The following GAL variants were observed in gnomAD, a reference collection of about 807,000 sequenced individuals.
GAL encodes the protein galanin and GMAP prepropeptide.
GAL carries 14 observed loss-of-function variants against 15.8 expected under a neutral mutation model. The observed-to-expected ratio is 0.89, with a 90% CI of 0.59 to 1.39. The LOEUF is 1.39. GAL is among the 40% of genes most tolerant of loss of function. GAL has a pLI of 0.00. For missense variants in GAL, 176 were observed against 170.4 expected (o/e 1.03, Z -0.18); for synonymous variants, 79 against 73.8 (o/e 1.07, Z -0.36).
intron 3 of GAL, among the ~76,000 whole-genome samples, chr11:68,686,691 G>A (rs1363231912): frequency 6.6e-6 from 1 of 152,132 alleles, no homozygotes; most frequent in Non-Finnish European, 1.5e-5. Flanking sequence ...GAGCCTGCTG[G>A]TCTCTGTGCG....
At chr11:68,690,404 T>A (rs1256633314) in intron 5 of GAL, among the ~76,000 whole-genome samples, 1 of 150,392 alleles carries the variant, frequency 6.6e-6, no homozygotes, top group South Asian at 2.1e-4. Context: ...TAGGTGGCGA[T>A]GGGGAGAGGG....
chr11:68,684,863 CT>C, intron 1 of GAL, 60 bp from the exon 2 acceptor site: 1 of 1,060,888 alleles, frequency 9.4e-7, no homozygotes, highest in Non-Finnish European at 1.4e-6. Flanking sequence ...CCCGGCACTC[CT>C]TGCCTCGGGG....
At chr11:68,687,784 AC>A (rs371776864) in intron 3 of GAL, among the ~76,000 whole-genome samples, 57 of 150,678 alleles carry the variant, frequency 3.8e-4, no homozygotes, top group African/African-American at 9.5e-4. Flanking sequence ...TCTCCCACCC[AC>A]CCTGTGCAAA....
intron 5 of GAL, among the ~76,000 whole-genome samples, chr11:68,689,897 G>C (rs1256982727): frequency 6.6e-6 from 1 of 152,240 alleles, no homozygotes; most frequent in African/African-American, 2.4e-5. Context: ...TCTACGATGG[G>C]CATCTGGCCT....
chr11:68,686,098 C>T (rs1945850164), intron 3 of GAL, among the ~76,000 whole-genome samples: 1 of 152,204 alleles, frequency 6.6e-6, no homozygotes, highest in South Asian at 2.1e-4. Context: ...CCCCTCAAAA[C>T]AAGGTTCAGG....
chr11:68,685,613 G>T lies in GAL; in HGVS notation c.101G>T (p.Trp34Leu), dbSNP rs1208503949. Residue 34 changes from tryptophan (W) to leucine (L), a missense_variant, in exon 3 of 6, where the codon TGG becomes TTG. By Grantham distance (61) the Trp-to-Leu change is moderately conservative. Coordinates refer to ENST00000265643, the MANE Select transcript of GAL (RefSeq NM_015973.5). ...LWSPAKEKRG[W>L]TLNSAGYLLG... is the part of the protein sequence containing the mutation. ...TTCAAGGCCAAGGAAAAACGAGGCT[G>T]GACCCTGAACAGCGCGGGCTACCTG... The T allele has an allele frequency of 1.2e-6, 2 of 1,613,310 alleles. No homozygotes were observed. The highest frequency in any genetic ancestry group is 2.7e-5 in the African/African-American group (2 of 74,918).
Position 68,688,040 on chromosome 11 carries a change from A to G in GAL, c.163A>G (p.Ser55Gly), listed in dbSNP as rs754075338. 3 of 1,612,666 alleles carry G rather than the reference A, an allele frequency of 1.9e-6. No homozygotes were observed. The Admixed American group carries it at 5.0e-5, about 27-fold the overall frequency. ...PHAVGNHRSF[S>G]DKNGLTSKRE... Reference sequence around the variant, plus strand: ...TGCCGTTGGCAACCACAGGTCATTCAGCGACAAGAATGGCCTCACCAGCAA... The same window carrying G: ...TGCCGTTGGCAACCACAGGTCATTCGGCGACAAGAATGGCCTCACCAGCAA... The change falls in exon 4 of 6, where the codon AGC becomes GGC. Residue 55 changes from serine to glycine, a missense_variant. By Grantham distance (56) the Ser-to-Gly change is moderately conservative. Coordinates refer to ENST00000265643, the MANE Select transcript of GAL (RefSeq NM_015973.5).
rs368511722 is a variant in GAL at position 68,688,105 on chromosome 11, G to C, written c.223+5G>C. ...CCGAAGATGACATGAAACCAGGTGAGAGGACTCCTATCCCGGGCCCCGGGG... is the reference window on the plus strand; with the variant it reads ...CCGAAGATGACATGAAACCAGGTGACAGGACTCCTATCCCGGGCCCCGGGG... On this transcript the variant is annotated splice_donor_5th_base_variant and intron_variant, in intron 4 of 5. Transcript: ENST00000265643. 6.3e-7 allele frequency: 1 copy of C among 1,590,912 alleles called. No individual in the cohort carries two copies.
chr11:68,684,818 C>T, intron 1 of GAL, 86 bp downstream of exon 1: 1 of 686,914 alleles, frequency 1.5e-6, no homozygotes, highest in Non-Finnish European at 2.5e-6. Context: ...TGCCAGGGCC[C>T]TGGCCCGGCC....
chr11:68,688,991 G>A, intron 5 of GAL, 65 bp downstream of exon 5: 5 of 804,404 alleles, frequency 6.2e-6, no homozygotes, highest in Middle Eastern at 2.2e-4. Context: ...AAGGCCCATC[G>A]AGAAGAGAAC....
At chr11:68,686,639 C>G (rs631097) in intron 3 of GAL, among the ~76,000 whole-genome samples, 2 of 152,158 alleles carry the variant, frequency 1.3e-5, no homozygotes, top group Non-Finnish European at 2.9e-5. Flanking sequence ...ATGACAGAGC[C>G]GCCTGAGGCC....
At position 68,688,024 on chromosome 11, in the gene GAL, C is replaced by G. The variant is rs1238139750; in HGVS notation, c.147C>G (p.Gly49=). Residue 49 remains glycine, a synonymous_variant, in exon 4 of 6, where the codon GGC becomes GGG. Coordinates refer to ENST00000265643, the MANE Select transcript of GAL (RefSeq NM_015973.5). ...AGYLLGPHAV[G]NHRSFSDKNG... is the part of the protein sequence containing the mutation. ...CTGATCTGCAAACAGATGCCGTTGGCAACCACAGGTCATTCAGCGACAAGA... is the reference window on the plus strand; with the variant it reads ...CTGATCTGCAAACAGATGCCGTTGGGAACCACAGGTCATTCAGCGACAAGA... 4 of 1,609,836 alleles carry G rather than the reference C, an allele frequency of 2.5e-6. No individual in the cohort carries two copies. In the African/African-American group the frequency reaches 4.0e-5, roughly 16 times the overall value.
In GAL at chr11:68,685,607, G is replaced by A; in HGVS notation, c.95G>A (p.Arg32Gln). 3.7e-6 allele frequency: 6 copies of A among 1,613,544 alleles called. No individual in the cohort carries two copies. Among genetic ancestry groups the A allele is most frequent in the Non-Finnish European group, 5.1e-6 (6 of 1,179,478 alleles). The change falls in exon 3 of 6, where the codon CGA (arginine) becomes CAA (glutamine). Residue 32 changes from arginine (R) to glutamine (Q), a missense_variant. Physicochemically the swap from Arg to Gln is conservative, Grantham distance 43. Transcript: ENST00000265643. ...TCTCCCTTCAAGGCCAAGGAAAAAC[G>A]AGGCTGGACCCTGAACAGCGCGGGC... Reference protein sequence around the residue: ...AGLWSPAKEKRGWTLNSAGYL... With the variant: ...AGLWSPAKEKQGWTLNSAGYL...
chr11:68,689,393 TTC>T (rs946152370), intron 5 of GAL, among the ~76,000 whole-genome samples: 1 of 150,270 alleles, frequency 6.7e-6, no homozygotes, highest in African/African-American at 2.4e-5. Flanking sequence ...TCCTCCCTCT[TTC>T]TCTCTCTCTT....
intron 2 of GAL, 33 bp from the exon 3 acceptor site, chr11:68,685,561 C>A (rs750501090): frequency 1.3e-6 from 2 of 1,535,604 alleles, no homozygotes; most frequent in East Asian, 4.5e-5. Flanking sequence ...CCAGGCACAG[C>A]CCTGGCATCT....
At chr11:68,685,095 C>T (rs1302023904) in intron 2 of GAL, 91 bp downstream of exon 2, 32 of 849,716 alleles carry the variant, frequency 3.8e-5, no homozygotes, top group Non-Finnish European at 4.0e-5. Context: ...CTCCGCCCTG[C>T]CCGCGGGGAT....
Position 68,690,944 on chromosome 11 carries a change from A to G in GAL, c.329A>G (p.Asp110Gly). 6.2e-7 allele frequency: 1 copy of G among 1,613,370 alleles called. No homozygotes were observed. The highest frequency in any genetic ancestry group is 8.5e-7 in the Non-Finnish European group (1 of 1,179,672). ...KEAGALDRLL[D>G]LPAAASSEDI... Reference sequence around the variant, plus strand: ...GCCGGTGCCCTCGACCGCCTCCTGGATCTCCCCGCCGCAGCCTCCTCAGAA... The same window carrying G: ...GCCGGTGCCCTCGACCGCCTCCTGGGTCTCCCCGCCGCAGCCTCCTCAGAA... Residue 110 changes from aspartate (D) to glycine (G), a missense_variant, in exon 6 of 6, where the codon GAT (aspartate) becomes GGT (glycine). Asp to Gly is a moderately conservative substitution (Grantham distance 94). Transcript: ENST00000265643.
chr11:68,687,345 C>T (rs75050192), intron 3 of GAL, among the ~76,000 whole-genome samples: 5 of 152,066 alleles, frequency 3.3e-5, no homozygotes, highest in African/African-American at 7.2e-5. Flanking sequence ...CAGCCTTCAT[C>T]GTTTCTTCCC....
At chr11:68,686,784 G>A (rs1945857533) in intron 3 of GAL, among the ~76,000 whole-genome samples, 1 of 152,152 alleles carries the variant, frequency 6.6e-6, no homozygotes, top group Admixed American at 6.5e-5. Flanking sequence ...GCAACCCTGA[G>A]CTCTGCCACT....
Sources: allele counts gnomAD v4.1 joint callset (sites outside exome capture counted in the v4.1 genomes callset), GRCh38; gene constraint gnomAD v4.1.1; transcripts MANE v1.5; gene names NCBI Gene and HGNC (gene_info 2026-07-23, HGNC 2026-07-21).